The following PLCB1 variants were observed in gnomAD, a reference collection of about 807,000 sequenced individuals.
PLCB1 encodes 1-phosphatidylinositol 4,5-bisphosphate phosphodiesterase beta-1.
Under a neutral mutation model 161.8 loss-of-function variants are expected in PLCB1, and 46 were observed. The observed-to-expected ratio is 0.28, with a 90% CI of 0.22 to 0.36. The LOEUF (loss-of-function observed/expected upper bound fraction) is 0.36. Ranked by LOEUF, PLCB1 falls within the 10% of genes least tolerant of loss-of-function variation. The pLI, the probability that PLCB1 is intolerant of heterozygous loss-of-function variation, is 1.00. For missense variants in PLCB1, 1,016 were observed against 1,472.5 expected (o/e 0.69, Z 5.07); for synonymous variants, 517 against 503.7 (o/e 1.03, Z -0.35).
intron 2 of PLCB1, among the ~76,000 whole-genome samples, chr20:8,244,805 G>C (rs1488084513): frequency 1.3e-5 from 2 of 151,876 alleles, no homozygotes; most frequent in Non-Finnish European, 2.9e-5. Flanking sequence ...AGAGAAGAGA[G>C]AGGCTAAGTC....
chr20:8,201,995 G>T (rs1449107119), intron 2 of PLCB1, among the ~76,000 whole-genome samples: 1 of 152,116 alleles, frequency 6.6e-6, no homozygotes, highest in Non-Finnish European at 1.5e-5. Context: ...TGTCCAACAT[G>T]GTTAATATTA....
intron 29 of PLCB1, among the ~76,000 whole-genome samples, 168 bp from the exon 30 acceptor site, chr20:8,789,348 TAC>T (rs1983640321): frequency 6.6e-6 from 1 of 152,206 alleles, no homozygotes; most frequent in African/African-American, 2.4e-5. Flanking sequence ...CACTGCACTC[TAC>T]CATGGGCAAC....
At chr20:8,429,392 A>G (rs1270979763) in intron 3 of PLCB1, among the ~76,000 whole-genome samples, 1 of 152,160 alleles carries the variant, frequency 6.6e-6, no homozygotes, top group African/African-American at 2.4e-5. Flanking sequence ...CCAATGTGAT[A>G]CCATGGCATT....
chr20:8,483,721 T>TA (rs973484500), intron 3 of PLCB1, among the ~76,000 whole-genome samples: 14 of 151,828 alleles, frequency 9.2e-5, no homozygotes, highest in Admixed American at 2.6e-4. Flanking sequence ...TCTTCTAGAT[T>TA]AAAAAAAATG....
chr20:8,223,225 C>T (rs1979508141), intron 2 of PLCB1, among the ~76,000 whole-genome samples: 1 of 152,140 alleles, frequency 6.6e-6, no homozygotes, highest in Non-Finnish European at 1.5e-5. Context: ...GGAATTTGTG[C>T]TTCAGATAAA....
intron 10 of PLCB1, among the ~76,000 whole-genome samples, chr20:8,693,951 C>T (rs1317122732): frequency 6.6e-6 from 1 of 152,180 alleles, no homozygotes; most frequent in Non-Finnish European, 1.5e-5. Flanking sequence ...AGAGGATGTT[C>T]AGAGCCAGGG....
At chr20:8,141,990 G>T (rs1464442695) in intron 1 of PLCB1, 1 of 152,256 alleles carries the variant, frequency 6.6e-6, no homozygotes, top group Non-Finnish European at 1.5e-5. Flanking sequence ...ATGCAAGACA[G>T]TGTCAACTGA....
intron 3 of PLCB1, among the ~76,000 whole-genome samples, chr20:8,489,543 A>G (rs1982862503): frequency 6.6e-6 from 1 of 152,170 alleles, no homozygotes; most frequent in African/African-American, 2.4e-5. Flanking sequence ...TTGGAGTCCA[A>G]AAGGTATCTT....
intron 4 of PLCB1, among the ~76,000 whole-genome samples, chr20:8,639,893 G>GAA (rs11320743): frequency 4.3e-5 from 6 of 138,542 alleles, no homozygotes; most frequent in Non-Finnish European, 4.7e-5. Flanking sequence ...TAGAAGACAA[G>GAA]AAAAAAAAAA....
intron 2 of PLCB1, among the ~76,000 whole-genome samples, chr20:8,281,109 T>A (rs1382810170): frequency 6.6e-6 from 1 of 152,200 alleles, no homozygotes; most frequent in Non-Finnish European, 1.5e-5. Context: ...TAAGATGGCA[T>A]TGCAAATTAA....
At chr20:8,344,548 A>T (rs1052082081) in intron 2 of PLCB1, among the ~76,000 whole-genome samples, 1 of 151,976 alleles carries the variant, frequency 6.6e-6, no homozygotes, top group Non-Finnish European at 1.5e-5. Context: ...ATGGTGTTCC[A>T]CCCTTTGTGG....
intron 2 of PLCB1, among the ~76,000 whole-genome samples, chr20:8,247,383 G>A (rs994198349): frequency 6.6e-6 from 1 of 151,702 alleles, no homozygotes; most frequent in African/African-American, 2.4e-5. Flanking sequence ...ATTTCTTCTT[G>A]AAGGCCTAGT....
chr20:8,868,948 T>C (rs939853918), intron 31 of PLCB1, among the ~76,000 whole-genome samples: 4 of 152,190 alleles, frequency 2.6e-5, no homozygotes, highest in African/African-American at 9.7e-5. Context: ...GGCAAGAATT[T>C]AGTATTCAGA....
intron 3 of PLCB1, among the ~76,000 whole-genome samples, chr20:8,408,646 A>G (rs1171098734): frequency 6.6e-6 from 1 of 152,174 alleles, no homozygotes; most frequent in East Asian, 1.9e-4. Context: ...ATTTAATACA[A>G]TGATTCTTAA....
intron 3 of PLCB1, among the ~76,000 whole-genome samples, chr20:8,530,481 A>G (rs974832095): frequency 5.9e-5 from 9 of 152,098 alleles, no homozygotes; most frequent in African/African-American, 2.2e-4. Context: ...TTTTGTATCT[A>G]TAAAAAAAGG....
chr20:8,323,571 C>T (rs1341753005), intron 2 of PLCB1, among the ~76,000 whole-genome samples: 1 of 152,118 alleles, frequency 6.6e-6, no homozygotes, highest in Non-Finnish European at 1.5e-5. Context: ...GATAGTAGGG[C>T]TTCTCATTCG....
At position 8,335,694 on chromosome 20, in the gene PLCB1, A is replaced by G. The variant is rs2719772; in HGVS notation, c.178-35688A>G. Among the ~76,000 whole-genome samples, 1,380 of 152,306 alleles carry G rather than the reference A, an allele frequency of 9.1e-3. 24 individuals are homozygous for G. Among genetic ancestry groups the G allele is most frequent in the African/African-American group, 0.031 (1,290 of 41,560 alleles). On this transcript the variant is annotated intron_variant, in intron 2 of 31. Transcript: ENST00000338037. ...TATAATTATTCTGTTCTGCTTCAGG[A>G]ATGCATATCAAGTTCTATGCAATTA... is the stretch of plus-strand genomic sequence containing the variant.
At chr20:8,233,167 A>G (rs935768345) in intron 2 of PLCB1, among the ~76,000 whole-genome samples, 1 of 152,132 alleles carries the variant, frequency 6.6e-6, no homozygotes, top group Non-Finnish European at 1.5e-5. Flanking sequence ...CATTTATTCA[A>G]TCCCATCAAA....
intron 2 of PLCB1, among the ~76,000 whole-genome samples, chr20:8,183,702 G>A (rs2051871303): frequency 6.6e-6 from 1 of 152,160 alleles, no homozygotes; most frequent in Non-Finnish European, 1.5e-5. Context: ...GGAATGTCAA[G>A]TATGAATGTC....
Sources: allele counts gnomAD v4.1 joint callset (sites outside exome capture counted in the v4.1 genomes callset), GRCh38; gene constraint gnomAD v4.1.1; transcripts MANE v1.5; gene names NCBI Gene and HGNC (gene_info 2026-07-23, HGNC 2026-07-21).